Variants in SSUH2 observed in about 807,000 individuals in gnomAD.
The protein encoded by SSUH2 is ssu-2 homolog, also known as protein SSUH2 homolog.
Under a neutral mutation model 55.3 loss-of-function variants are expected in SSUH2, and 47 were observed. The ratio of observed to expected loss-of-function variants is 0.85; its 90% CI spans 0.67 to 1.08. The LOEUF (loss-of-function observed/expected upper bound fraction) is 1.08. Among genes scored for constraint, SSUH2 ranks in the 50% least tolerant of loss-of-function variants. SSUH2 has a pLI of 0.00. For missense variants in SSUH2, 535 were observed against 490.7 expected, an observed-to-expected ratio of 1.09 and a Z score of -0.85; for synonymous variants, 212 against 191.5, an observed-to-expected ratio of 1.11 and a Z score of -0.89.
At position 8,625,760 on chromosome 3, in the gene SSUH2, T is replaced by C. The variant is rs928613739; in HGVS notation, c.768-113A>G. On this transcript the variant is annotated intron_variant, in intron 9 of 11. Coordinates refer to ENST00000544814, the MANE Select transcript of SSUH2 (RefSeq NM_001256748.3). ...GGCTTGAATTGCTACTGGAGGGACC[T>C]TGCAACAGTTCTGTAGCCTCTCTGA... 12 of 689,506 alleles carry C rather than the reference T, an allele frequency of 1.7e-5. No individual in the cohort carries two copies. In the African/African-American group the frequency reaches 1.9e-4, roughly 11 times the overall value. The allele number at this position is 689,506 out of a possible 1,614,324, so 42.7% of individuals were successfully genotyped here.
Position 8,679,143 on chromosome 3 carries a change from CCGCGAGGCGGGGACTGAGAGGCAG to C in SSUH2, c.-901+538_-901+561del, listed in dbSNP as rs1705737190. On this transcript the variant is annotated intron_variant, in intron 2 of 18. Transcript: ENST00000317371. ...CCCAAATTGCGGGGGGGAGGCACCC[CCGCGAGGCGGGGACTGAGAGGCAG>C]CCGCTGTTCCCCCACACTGGCTCTT... Among the ~76,000 whole-genome samples the C allele has an allele frequency of 2.8e-5, 3 of 105,894 alleles. 1 individual carries two copies. Among genetic ancestry groups the C allele is most frequent in the Non-Finnish European group, 4.4e-5 (2 of 45,304 alleles). The allele number at this position is 105,894 out of a possible 152,430, so 69.5% of individuals were successfully genotyped here. A position where few individuals can be genotyped will look rare whatever the true frequency, so the allele number is the denominator to read the frequency against.
intron 5 of SSUH2, among the ~76,000 whole-genome samples, chr3:8,667,748 T>G (rs11716260): frequency 0.053 from 8,050 of 152,308 alleles, 257 homozygotes; most frequent in Middle Eastern, 0.082. Flanking sequence ...CCTCTGATTC[T>G]GCCTCGGCCA....
intron 1 of SSUH2, among the ~76,000 whole-genome samples, chr3:8,642,393 C>G (rs1371490135): frequency 1.3e-5 from 2 of 152,188 alleles, no homozygotes; most frequent in Admixed American, 1.3e-4. Context: ...GACTTGCAGC[C>G]TGGAATCAAG....
chr3:8,679,456 A>C (rs1575415764), intron 2 of SSUH2, among the ~76,000 whole-genome samples: 4 of 117,254 alleles, frequency 3.4e-5, no homozygotes, highest in Admixed American at 8.5e-5. Context: ...GGGGGGAGGC[A>C]CCCCCCGGGA....
Position 8,623,637 on chromosome 3 carries a change from A to G in SSUH2, c.893T>C (p.Phe298Ser). ...ENSVVYPIVD[F>S]PLRDISLASQ... ...GGCAAGAGAGATGTCTCGCAGAGGG[A>G]AGTCCACGATGGGGTACACCTGGGG... The change falls in exon 11 of 12, where the codon TTC (phenylalanine) becomes TCC (serine). Residue 298 changes from phenylalanine to serine, a missense_variant. Phe to Ser is a radical substitution (Grantham distance 155). Coordinates refer to ENST00000544814, the MANE Select transcript of SSUH2 (RefSeq NM_001256748.3). 1 of 1,536,334 alleles carries G rather than the reference A, an allele frequency of 6.5e-7. No individual in the cohort carries two copies. Among genetic ancestry groups the G allele is most frequent in the Non-Finnish European group, 8.8e-7 (1 of 1,135,128 alleles).
At chr3:8,631,849 G>T (rs555820345) in intron 5 of SSUH2, among the ~76,000 whole-genome samples, 200 bp downstream of exon 5, 1 of 151,954 alleles carries the variant, frequency 6.6e-6, no homozygotes, top group African/African-American at 2.4e-5. Context: ...TTCCTGGGCA[G>T]GAAGCATTTC....
At chr3:8,644,100 A>C (rs1403923607) in intron 1 of SSUH2, among the ~76,000 whole-genome samples, 1 of 152,070 alleles carries the variant, frequency 6.6e-6, no homozygotes, top group Non-Finnish European at 1.5e-5. Flanking sequence ...CATTTCCTTC[A>C]TGTTTTTAAA....
chr3:8,639,298 C>T (rs1700442855), intron 1 of SSUH2, among the ~76,000 whole-genome samples: 1 of 152,190 alleles, frequency 6.6e-6, no homozygotes, highest in African/African-American at 2.4e-5. Flanking sequence ...TGTCCCGTGG[C>T]TCCCAAAGGG....
chr3:8,651,328 T>C (rs1702377904), intron 7 of SSUH2, among the ~76,000 whole-genome samples: 1 of 152,180 alleles, frequency 6.6e-6, no homozygotes, highest in Middle Eastern at 3.2e-3. Context: ...GAAGCCATCA[T>C]TGCTGACGGT....
At chr3:8,628,181 T>C (rs11919802) in intron 7 of SSUH2, among the ~76,000 whole-genome samples, 11,704 of 152,104 alleles carry the variant, frequency 0.077, 728 homozygotes, top group East Asian at 0.16. Flanking sequence ...GTTGGGCTCA[T>C]GGTGGGCTCC....
At position 8,644,657 on chromosome 3, in the gene SSUH2, G is replaced by C. The variant is rs1372303462; in HGVS notation, c.28+74C>G. ...ATAACTTCCAACATATTAGAGGTCAGATTAGGTCCTCTTCAAATGCAGGCT... is the reference window on the plus strand; with the variant it reads ...ATAACTTCCAACATATTAGAGGTCACATTAGGTCCTCTTCAAATGCAGGCT... On this transcript the variant is annotated intron_variant, in intron 1 of 11. Transcript: ENST00000544814. 5 of 1,315,138 alleles carry C rather than the reference G, an allele frequency of 3.8e-6. No individual in the cohort carries two copies. The East Asian group carries it at 1.3e-4, about 33-fold the overall frequency. 81.5% of individuals were successfully genotyped at this position (1,315,138 alleles called of 1,614,324 possible). A position where few individuals can be genotyped will look rare whatever the true frequency, so the allele number is the denominator to read the frequency against.
chr3:8,653,791 A>G (rs1702666379), intron 7 of SSUH2, among the ~76,000 whole-genome samples: 1 of 152,242 alleles, frequency 6.6e-6, no homozygotes, highest in Admixed American at 6.5e-5. Flanking sequence ...ATTTTGACAA[A>G]GTAAATGTAC....
rs1262350213 is a variant in SSUH2 at position 8,637,164 on chromosome 3, T to G, written c.29-1307A>C. On this transcript the variant is annotated intron_variant, in intron 1 of 11. Coordinates refer to ENST00000544814, the MANE Select transcript of SSUH2 (RefSeq NM_001256748.3). ...AGCGGCAGTGAACCACAGCTCCCACTCCACCACTGCCTGGTGTATTAAACG... is the reference window on the plus strand; with the variant it reads ...AGCGGCAGTGAACCACAGCTCCCACGCCACCACTGCCTGGTGTATTAAACG... 9.2e-5 allele frequency among the ~76,000 whole-genome samples: 14 copies of G among 152,204 alleles called. No individual in the cohort carries two copies. The East Asian group carries it at 2.7e-3, about 29-fold the overall frequency.
In SSUH2 at chr3:8,623,729, TAGAGCC is replaced by T. The variant is rs539091759; in HGVS notation, c.874-79_874-74del. On this transcript the variant is annotated intron_variant, in intron 10 of 11. Transcript: ENST00000544814. ...AGCCTTGGAAGTCACTGGGGCTGAC[TAGAGCC>T]AGAGCCAGAGCCAGACAGAGAAGGG... 2.4e-5 allele frequency: 18 copies of T among 752,692 alleles called. No individual in the cohort carries two copies. The South Asian group carries it at 2.6e-4, about 11-fold the overall frequency. 46.6% of individuals were successfully genotyped at this position (752,692 alleles called of 1,614,324 possible). A position where few individuals can be genotyped will look rare whatever the true frequency, so the allele number is the denominator to read the frequency against.
upstream of SSUH2, among the ~76,000 whole-genome samples, chr3:8,646,691 A>G (rs1176153223): frequency 6.6e-6 from 1 of 152,220 alleles, no homozygotes; most frequent in Non-Finnish European, 1.5e-5. Context: ...ACTCGGGGCA[A>G]GTAATGTACC....
At chr3:8,662,372 G>C (rs1292767134) in intron 6 of SSUH2, among the ~76,000 whole-genome samples, 1 of 152,148 alleles carries the variant, frequency 6.6e-6, no homozygotes, top group Non-Finnish European at 1.5e-5. Context: ...TGAGTGTCCA[G>C]TCAGAGCCCT....
At position 8,634,512 on chromosome 3, in the gene SSUH2, A is replaced by T. The variant is rs572770023; in HGVS notation, c.210-717T>A. 7 of 1,289,548 alleles carry T rather than the reference A, an allele frequency of 5.4e-6. No individual in the cohort carries two copies. In the African/African-American group the frequency reaches 1.1e-4, roughly 20 times the overall value. The allele number at this position is 1,289,548 out of a possible 1,614,324, so 79.9% of individuals were successfully genotyped here. A position where few individuals can be genotyped will look rare whatever the true frequency, so the allele number is the denominator to read the frequency against. On this transcript the variant is annotated intron_variant, in intron 3 of 11. Coordinates refer to ENST00000544814, the MANE Select transcript of SSUH2 (RefSeq NM_001256748.3). ...GAGCCATTAATCCACAATTCTGCAC[A>T]CTTGTATCTCCAGCATCCTCCAGCC...
At chr3:8,678,308 T>C (rs1705582030) in intron 2 of SSUH2, among the ~76,000 whole-genome samples, 1 of 150,674 alleles carries the variant, frequency 6.6e-6, no homozygotes, top group Admixed American at 6.6e-5. Context: ...TATCACAGGG[T>C]GGGTGTACAC....
chr3:8,639,856 G>T, intron 1 of SSUH2: 1 of 688,944 alleles, frequency 1.5e-6, no homozygotes, highest in Non-Finnish European at 1.8e-6. Context: ...AGGGGCCCCT[G>T]TCTCGTATAA....
Sources: gnomAD v4.1 joint callset for allele counts (sites outside exome capture counted in the v4.1 genomes callset) on GRCh38, gnomAD v4.1.1 for gene constraint, MANE v1.5 for transcripts, NCBI Gene and HGNC (gene_info 2026-07-23, HGNC 2026-07-21) for gene names.